Variants in NBEA observed in about 807,000 individuals in gnomAD.
NBEA encodes the protein neurobeachin.
A neutral mutation model predicts 343.4 loss-of-function variants in NBEA; 44 were observed. The ratio of observed to expected loss-of-function variants is 0.13; its 90% CI spans 0.10 to 0.16. The LOEUF (loss-of-function observed/expected upper bound fraction) is 0.16. NBEA is among the 10% of genes least tolerant of loss of function. The probability of loss-of-function intolerance (pLI) is 1.00; values close to 1 mark genes in which losing one functional copy is unlikely to be tolerated. For missense variants in NBEA, 2,555 were observed against 3,631.3 expected (o/e 0.70, Z 7.62); for synonymous variants, 1,175 against 1,238.7 (o/e 0.95, Z 1.08).
intron 48 of NBEA, among the ~76,000 whole-genome samples, chr13:35,626,213 G>C (rs541450563): frequency 1.2e-3 from 177 of 152,174 alleles, no homozygotes; most frequent in African/African-American, 4.0e-3. Flanking sequence ...AAAAGAATGA[G>C]TAATATTTTA....
At chr13:35,491,871 A>G (rs1269536409) in intron 41 of NBEA, among the ~76,000 whole-genome samples, 1 of 151,984 alleles carries the variant, frequency 6.6e-6, no homozygotes, top group Non-Finnish European at 1.5e-5. Context: ...GCCAAACACA[A>G]GAGAGTTGTA....
chr13:35,095,177 A>T (rs1431251378), intron 10 of NBEA, among the ~76,000 whole-genome samples: 1 of 151,714 alleles, frequency 6.6e-6, no homozygotes, highest in Non-Finnish European at 1.5e-5. Context: ...TAAGTACCTC[A>T]AAGATAATAA....
intron 34 of NBEA, among the ~76,000 whole-genome samples, chr13:35,261,532 T>G (rs1401238641): frequency 6.6e-6 from 1 of 150,960 alleles, no homozygotes; most frequent in Non-Finnish European, 1.5e-5. Context: ...AATAATAAAG[T>G]AAAATATGAA....
chr13:35,328,282 G>A (rs1282570758), intron 36 of NBEA, among the ~76,000 whole-genome samples: 1 of 151,822 alleles, frequency 6.6e-6, no homozygotes, highest in Non-Finnish European at 1.5e-5. Flanking sequence ...ATCAAAAATA[G>A]GAAGCACTTA....
chr13:35,306,229 G>A (rs772057633), intron 35 of NBEA, among the ~76,000 whole-genome samples: 9 of 151,896 alleles, frequency 5.9e-5, no homozygotes, highest in Admixed American at 2.6e-4. Flanking sequence ...ATTTAATGAT[G>A]ATATACTTGC....
At chr13:35,595,443 T>C (rs2153044835) in intron 47 of NBEA, among the ~76,000 whole-genome samples, 1 of 152,220 alleles carries the variant, frequency 6.6e-6, no homozygotes, top group South Asian at 2.1e-4. Context: ...CCACCACTCA[T>C]GAACCTTTCA....
chr13:35,558,855 T>C (rs1204407732), intron 44 of NBEA, among the ~76,000 whole-genome samples: 3 of 152,100 alleles, frequency 2.0e-5, no homozygotes, highest in East Asian at 3.8e-4. Flanking sequence ...GTAATAAAAG[T>C]TTAGAGAAGT....
At chr13:35,169,026 T>C in intron 25 of NBEA, 31 bp downstream of exon 25, 1 of 1,465,310 alleles carries the variant, frequency 6.8e-7, no homozygotes, top group Non-Finnish European at 9.1e-7. Flanking sequence ...AATTTTCAGC[T>C]TTCAGTTTCA....
In NBEA at chr13:35,371,413, G is replaced by A. The variant is rs993141493; in HGVS notation, c.6179+19090G>A. Among the ~76,000 whole-genome samples the A allele has an allele frequency of 2.2e-4, 34 of 151,640 alleles. 1 individual carries two copies. Among genetic ancestry groups the A allele is most frequent in the Non-Finnish European group, 5.9e-5 (4 of 67,894 alleles). ...TGGTCTATTGTTGAAGCTTTCTAAT[G>A]TATTTTTTATTTCATTCCATGAATT... On this transcript the variant is annotated intron_variant, in intron 38 of 58. Coordinates refer to ENST00000379939, the MANE Select transcript of NBEA (RefSeq NM_001385012.1).
intron 6 of NBEA, among the ~76,000 whole-genome samples, chr13:35,054,638 C>CTTTT (rs2063182278): frequency 7.7e-6 from 1 of 130,124 alleles, no homozygotes. Flanking sequence ...TTTCTGTTTT[C>CTTTT]TTTTCTTTTT....
At chr13:35,100,006 A>T (rs2065559417) in intron 11 of NBEA, among the ~76,000 whole-genome samples, 1 of 152,168 alleles carries the variant, frequency 6.6e-6, no homozygotes, top group Non-Finnish European at 1.5e-5. Context: ...CTGTTGGAGA[A>T]GTAATAGAAG....
chr13:35,656,619 A>C (rs2084825107), intron 55 of NBEA, among the ~76,000 whole-genome samples: 1 of 152,206 alleles, frequency 6.6e-6, no homozygotes, highest in Non-Finnish European at 1.5e-5. Context: ...GTTTCCAATA[A>C]ATTAAATGAC....
chr13:34,974,280 C>T (rs1447048818), intron 1 of NBEA, among the ~76,000 whole-genome samples: 2 of 152,218 alleles, frequency 1.3e-5, no homozygotes, highest in Non-Finnish European at 2.9e-5. Flanking sequence ...CTGTGAGAGC[C>T]ATGCACCATT....
At position 35,208,874 on chromosome 13, in the gene NBEA, T is replaced by C. The variant is rs759117943; in HGVS notation, c.5521+20T>C. 6.7e-6 allele frequency: 10 copies of C among 1,483,416 alleles called. No individual in the cohort carries two copies. The highest frequency in any genetic ancestry group is 1.4e-5 in the African/African-American group (1 of 71,254). 91.9% of individuals were successfully genotyped at this position (1,483,416 alleles called of 1,614,324 possible). On this transcript the variant is annotated intron_variant, in intron 32 of 58. Transcript: ENST00000379939. ...CAACAGGTATTGTACTTACATATTT[T>C]TGTGATACTCATCTTTTTATGTTTT...
intron 41 of NBEA, among the ~76,000 whole-genome samples, chr13:35,493,947 T>C (rs1385973666): frequency 1.3e-5 from 2 of 151,860 alleles, no homozygotes; most frequent in Non-Finnish European, 2.9e-5. Context: ...ATCCTTACAA[T>C]AAATCTTTTA....
chr13:35,416,326 A>G (rs1204977443), intron 38 of NBEA, among the ~76,000 whole-genome samples: 1 of 152,186 alleles, frequency 6.6e-6, no homozygotes, highest in East Asian at 1.9e-4. Flanking sequence ...TTTCAAAGGA[A>G]GTGCTTCCAG....
chr13:35,068,047 A>G (rs1189160960), intron 8 of NBEA, among the ~76,000 whole-genome samples: 2 of 152,056 alleles, frequency 1.3e-5, no homozygotes, highest in Non-Finnish European at 2.9e-5. Context: ...GCCTTTATAT[A>G]TAAATTTAAA....
At chr13:35,071,079 G>C (rs2063849250) in intron 10 of NBEA, 2 of 335,226 alleles carry the variant, frequency 6.0e-6, no homozygotes, top group Middle Eastern at 8.2e-4. Flanking sequence ...ATAATAAATA[G>C]AAAATTCTTA....
At chr13:34,979,962 CTT>C (rs948504302) in intron 1 of NBEA, among the ~76,000 whole-genome samples, 1 of 152,214 alleles carries the variant, frequency 6.6e-6, no homozygotes. Flanking sequence ...GTGGAAGAGA[CTT>C]TGCTTTTTCT....
Sources: gnomAD v4.1 joint callset for allele counts (sites outside exome capture counted in the v4.1 genomes callset) on GRCh38, gnomAD v4.1.1 for gene constraint, MANE v1.5 for transcripts, NCBI Gene and HGNC (gene_info 2026-07-23, HGNC 2026-07-21) for gene names.